COL19A1: variants seen among roughly 807,000 people sequenced by gnomAD.
COL19A1 encodes the protein collagen alpha-1(XIX) chain.
Under a neutral mutation model 190.2 loss-of-function variants are expected in COL19A1, and 159 were observed. The ratio of observed to expected loss-of-function variants is 0.84; its 90% confidence interval spans 0.73 to 0.95. The LOEUF (loss-of-function observed/expected upper bound fraction) is 0.95, where lower values mean the gene tolerates loss of function less well. COL19A1 is among the 40% of genes least tolerant of loss of function. The probability of loss-of-function intolerance (pLI) is 0.00; values close to 1 mark genes in which losing one functional copy is unlikely to be tolerated. For missense variants in COL19A1, 1,418 were observed against 1,431.9 expected (o/e 0.99, Z 0.16); for synonymous variants, 509 against 458.9 (o/e 1.11, Z -1.39).
intron 4 of COL19A1, among the ~76,000 whole-genome samples, chr6:69,923,774 C>G (rs990323205): frequency 2.4e-4 from 37 of 152,136 alleles, no homozygotes; most frequent in African/African-American, 8.4e-4. Flanking sequence ...ACTCCAAGCT[C>G]TGAACAAGCA....
intron 49 of COL19A1, among the ~76,000 whole-genome samples, chr6:70,203,395 C>T (rs1322559664): frequency 2.0e-5 from 3 of 152,138 alleles, no homozygotes; most frequent in African/African-American, 7.2e-5. Context: ...TTGTAGGAAG[C>T]ACTTGTGATG....
intron 14 of COL19A1, among the ~76,000 whole-genome samples, chr6:70,051,075 C>A (rs1780175622): frequency 1.3e-5 from 2 of 152,070 alleles, no homozygotes; most frequent in Admixed American, 1.3e-4. Context: ...CTCTAAAATT[C>A]TGTTATTTTC....
chr6:70,195,162 T>TATATAA (rs945354317), intron 48 of COL19A1, among the ~76,000 whole-genome samples: 1 of 145,744 alleles, frequency 6.9e-6, no homozygotes, highest in African/African-American at 2.6e-5. Flanking sequence ...TATATATATA[T>TATATAA]AAAGAGTTAA....
intron 42 of COL19A1, among the ~76,000 whole-genome samples, chr6:70,179,872 C>T (rs1357235979): frequency 6.6e-6 from 1 of 151,714 alleles, no homozygotes; most frequent in African/African-American, 2.4e-5. Flanking sequence ...TTAGAAATGC[C>T]ACTTTATTTA....
At chr6:69,921,794 G>A (rs1034122055) in intron 4 of COL19A1, among the ~76,000 whole-genome samples, 4 of 149,360 alleles carry the variant, frequency 2.7e-5, no homozygotes, top group Admixed American at 2.0e-4. Flanking sequence ...ATGTAGATTC[G>A]TATATGTATA....
intron 34 of COL19A1, 85 bp from the exon 35 acceptor site, chr6:70,161,815 G>C (rs2150259664): frequency 9.8e-7 from 1 of 1,022,800 alleles, no homozygotes. Flanking sequence ...AGTGTTTAAT[G>C]TTCAATGGTC....
intron 41 of COL19A1, 146 bp from the exon 42 acceptor site, chr6:70,176,374 A>G: frequency 3.2e-6 from 2 of 631,220 alleles, no homozygotes; most frequent in East Asian, 3.1e-5. Context: ...CCATCTACAC[A>G]CTAGCTTCAC....
At chr6:69,869,729 A>G (rs1483287687) in intron 1 of COL19A1, among the ~76,000 whole-genome samples, 3 of 152,230 alleles carry the variant, frequency 2.0e-5, no homozygotes. Context: ...ATGGTACCGG[A>G]AAAGTTGATG....
At chr6:70,129,459 TTATAGAG>T (rs1253496261) in intron 17 of COL19A1, among the ~76,000 whole-genome samples, 1 of 152,096 alleles carries the variant, frequency 6.6e-6, no homozygotes, top group Admixed American at 6.5e-5. Context: ...ATCAGAGGAT[TTATAGAG>T]GAAACAGCCA....
chr6:69,924,277 G>A (rs967611977), intron 4 of COL19A1, among the ~76,000 whole-genome samples: 2 of 146,528 alleles, frequency 1.4e-5, no homozygotes, highest in African/African-American at 2.5e-5. Context: ...GACAGGCCCC[G>A]GTGTGTGATG....
intron 11 of COL19A1, among the ~76,000 whole-genome samples, chr6:70,003,379 A>G (rs1221874771): frequency 1.3e-5 from 2 of 152,216 alleles, no homozygotes; most frequent in Non-Finnish European, 2.9e-5. Flanking sequence ...GTAGATATCT[A>G]TTAGGTCCAC....
At chr6:70,021,043 TC>T (rs1778387731) in intron 11 of COL19A1, among the ~76,000 whole-genome samples, 1 of 152,162 alleles carries the variant, frequency 6.6e-6, no homozygotes, top group Admixed American at 6.6e-5. Context: ...TTGTTGGATA[TC>T]CCTGGTTTGA....
chr6:69,874,411 A>G (rs1184057821), intron 1 of COL19A1, among the ~76,000 whole-genome samples: 2 of 152,232 alleles, frequency 1.3e-5, no homozygotes, highest in Non-Finnish European at 2.9e-5. Flanking sequence ...CTTCCATTTT[A>G]TCAGGATCTG....
chr6:70,040,839 T>C (rs1245849904), intron 14 of COL19A1, among the ~76,000 whole-genome samples: 1 of 152,226 alleles, frequency 6.6e-6, no homozygotes, highest in Non-Finnish European at 1.5e-5. Flanking sequence ...AGAATTATAC[T>C]TTTTGATATG....
chr6:69,881,946 G>A (rs1470168979), intron 2 of COL19A1, among the ~76,000 whole-genome samples: 1 of 152,200 alleles, frequency 6.6e-6, no homozygotes, highest in East Asian at 1.9e-4. Flanking sequence ...CTGGTTCACA[G>A]CGCAAGGTTC....
Position 69,900,796 on chromosome 6 carries a change from T to C in COL19A1, c.266+458T>C, listed in dbSNP as rs532584187. On this transcript the variant is annotated intron_variant, in intron 4 of 50. Transcript: ENST00000620364. Reference sequence around the variant, plus strand: ...CATCTTATCTATTGTATAGAGTACATAGTAAATAAAAAGCTGTTTTGTGCT... The same window carrying C: ...CATCTTATCTATTGTATAGAGTACACAGTAAATAAAAAGCTGTTTTGTGCT... Among the ~76,000 whole-genome samples the C allele has an allele frequency of 3.5e-4, 54 of 152,320 alleles. 1 individual carries two copies. In the South Asian group the frequency reaches 0.011, roughly 30 times the overall value.
chr6:69,879,990 A>G (rs1768415551), intron 2 of COL19A1: 1 of 338,890 alleles, frequency 3.0e-6, no homozygotes, highest in Non-Finnish European at 5.3e-6. Flanking sequence ...AGTTATAAGT[A>G]TGGAAACTCA....
chr6:69,908,948 T>C (rs1770728927), intron 4 of COL19A1, among the ~76,000 whole-genome samples: 1 of 152,152 alleles, frequency 6.6e-6, no homozygotes, highest in African/African-American at 2.4e-5. Context: ...GATAAAATCT[T>C]ATAAAATTAA....
intron 19 of COL19A1, among the ~76,000 whole-genome samples, chr6:70,140,320 T>C (rs1786164141): frequency 6.6e-6 from 1 of 152,106 alleles, no homozygotes; most frequent in Non-Finnish European, 1.5e-5. Context: ...ATGTAAATAG[T>C]TGTTATACTG....
Sources: allele counts gnomAD v4.1 joint callset (sites outside exome capture counted in the v4.1 genomes callset), GRCh38; gene constraint gnomAD v4.1.1; transcripts MANE v1.5; gene names NCBI Gene and HGNC (gene_info 2026-07-23, HGNC 2026-07-21).